CNTN5: variants seen among roughly 807,000 people sequenced by gnomAD.
CNTN5 encodes the protein contactin 5.
A neutral mutation model predicts 129.1 loss-of-function variants in CNTN5; 77 were observed. The observed-to-expected ratio is 0.60, with a 90% confidence interval of 0.50 to 0.72. CNTN5 has a LOEUF of 0.72. Among genes scored for constraint, CNTN5 ranks in the 30% least tolerant of loss-of-function variants. The pLI, the probability that CNTN5 is intolerant of heterozygous loss-of-function variation, is 0.00. For missense variants in CNTN5, 1,478 were observed against 1,328.8 expected, an observed-to-expected ratio of 1.11 and a Z score of -1.75; for synonymous variants, 509 against 465.6, an observed-to-expected ratio of 1.09 and a Z score of -1.20.
chr11:99,302,677 G>A (rs184181385), intron 1 of CNTN5, among the ~76,000 whole-genome samples: 1 of 151,706 alleles, frequency 6.6e-6, no homozygotes, highest in African/African-American at 2.4e-5. Flanking sequence ...TTAGTTTGTG[G>A]TAACTTTGCA....
intron 1 of CNTN5, among the ~76,000 whole-genome samples, chr11:99,223,168 A>G (rs1415990191): frequency 6.6e-6 from 1 of 152,106 alleles, no homozygotes; most frequent in South Asian, 2.1e-4. Context: ...ATCCTACCCT[A>G]TATTATCCTA....
intron 6 of CNTN5, among the ~76,000 whole-genome samples, chr11:99,910,157 C>A (rs1309458504): frequency 6.6e-6 from 1 of 151,938 alleles, no homozygotes; most frequent in African/African-American, 2.4e-5. Flanking sequence ...ATTCTTGTTA[C>A]CTAATTTTAG....
chr11:99,837,163 C>T (rs1000667385), intron 4 of CNTN5, among the ~76,000 whole-genome samples: 2 of 152,126 alleles, frequency 1.3e-5, no homozygotes, highest in African/African-American at 2.4e-5. Flanking sequence ...CCTCTGTTCA[C>T]GATGGAGTTG....
chr11:100,191,016 T>C (rs1948468368), intron 13 of CNTN5, 110 bp from the exon 14 acceptor site: 8 of 625,814 alleles, frequency 1.3e-5, no homozygotes, highest in Non-Finnish European at 2.1e-5. Flanking sequence ...AGTGATCCTT[T>C]ATCTTACTTA....
In CNTN5 at chr11:99,916,036, G is replaced by A. The variant is rs182497678; in HGVS notation, c.578-18G>A. The A allele has an allele frequency of 1.5e-4, 246 of 1,591,494 alleles. No homozygotes were observed. The highest frequency in any genetic ancestry group is 1.8e-4 in the Non-Finnish European group (214 of 1,162,702). ...ATTCTTTTCTGCCTTGGATCTAAAT[G>A]TTTTATTATGTTGACAGATCTGGGA... On this transcript the variant is annotated intron_variant, in intron 6 of 24. Transcript: ENST00000524871.
chr11:99,165,899 C>T (rs934597353), intron 1 of CNTN5, among the ~76,000 whole-genome samples: 2 of 152,278 alleles, frequency 1.3e-5, no homozygotes, highest in African/African-American at 2.4e-5. Context: ...TTAGACCCGT[C>T]ATCTGAGGTG....
intron 2 of CNTN5, among the ~76,000 whole-genome samples, chr11:99,482,801 C>T (rs1465589841): frequency 6.6e-6 from 1 of 151,146 alleles, no homozygotes; most frequent in Non-Finnish European, 1.5e-5. Flanking sequence ...CGGAACTTCA[C>T]TAAAATTAAA....
intron 8 of CNTN5, among the ~76,000 whole-genome samples, chr11:99,996,806 G>C (rs1939478876): frequency 6.6e-6 from 1 of 152,096 alleles, no homozygotes; most frequent in Non-Finnish European, 1.5e-5. Flanking sequence ...GAGAGAGAGA[G>C]GGAGCATGGA....
intron 1 of CNTN5, among the ~76,000 whole-genome samples, chr11:99,114,043 T>A (rs1857924083): frequency 6.6e-6 from 1 of 152,150 alleles, no homozygotes; most frequent in Admixed American, 6.6e-5. Flanking sequence ...TTAGATTTCA[T>A]AGTCCTTGTC....
intron 19 of CNTN5, 86 bp downstream of exon 19, chr11:100,297,781 C>A: frequency 9.8e-7 from 1 of 1,019,428 alleles, no homozygotes. Flanking sequence ...TTAAGCAGTC[C>A]ACTTGATTCA....
intron 8 of CNTN5, among the ~76,000 whole-genome samples, chr11:99,971,947 A>AG (rs1951269857): frequency 6.6e-6 from 1 of 150,406 alleles, no homozygotes; most frequent in Non-Finnish European, 1.5e-5. Context: ...ACAATGCTTA[A>AG]GAAAAAAAAA....
intron 3 of CNTN5, among the ~76,000 whole-genome samples, chr11:99,598,497 TC>T (rs1333043459): frequency 6.7e-6 from 1 of 149,890 alleles, no homozygotes; most frequent in African/African-American, 2.5e-5. Context: ...TTCCTTCCTT[TC>T]TTTGTCTCTT....
At chr11:99,155,725 C>T (rs1860303702) in intron 1 of CNTN5, among the ~76,000 whole-genome samples, 1 of 151,094 alleles carries the variant, frequency 6.6e-6, no homozygotes, top group African/African-American at 2.4e-5. Flanking sequence ...ACTTGCCCTA[C>T]AAAGTCACAA....
intron 1 of CNTN5, among the ~76,000 whole-genome samples, chr11:99,088,335 G>T (rs1866086473): frequency 6.6e-6 from 1 of 152,100 alleles, no homozygotes; most frequent in Non-Finnish European, 1.5e-5. Flanking sequence ...ATGCTTATAT[G>T]ATTTTGGAGG....
intron 3 of CNTN5, among the ~76,000 whole-genome samples, chr11:99,741,370 A>C (rs7108729): frequency 3.3e-5 from 5 of 152,118 alleles, no homozygotes; most frequent in Non-Finnish European, 7.4e-5. Context: ...TCTGAGATTC[A>C]GTATGTTACT....
chr11:99,240,484 A>G (rs905273625), intron 1 of CNTN5, among the ~76,000 whole-genome samples: 4 of 152,192 alleles, frequency 2.6e-5, no homozygotes, highest in African/African-American at 4.8e-5. Context: ...ACATATGGAA[A>G]GCTTTCAGGG....
intron 8 of CNTN5, among the ~76,000 whole-genome samples, chr11:99,991,593 T>C (rs1298611508): frequency 2.0e-5 from 3 of 152,214 alleles, no homozygotes; most frequent in Non-Finnish European, 4.4e-5. Flanking sequence ...GGCAAGATGC[T>C]AAATCCCAGA....
chr11:100,276,527 CAAAAAAAAAAAAA>C (rs56774234), intron 18 of CNTN5, among the ~76,000 whole-genome samples: 2,239 of 70,202 alleles, frequency 0.032, 86 homozygotes, highest in African/African-American at 0.11. Flanking sequence ...GAGACTCTCT[CAAAAAAAAAAAAA>C]AAAAAAAAAA....
At chr11:99,860,712 G>A (rs1288026454) in intron 6 of CNTN5, among the ~76,000 whole-genome samples, 2 of 152,078 alleles carry the variant, frequency 1.3e-5, no homozygotes, top group Admixed American at 1.3e-4. Flanking sequence ...TTATAGTGTA[G>A]TTTGAAGTCA....
Sources: allele counts gnomAD v4.1 joint callset (sites outside exome capture counted in the v4.1 genomes callset), GRCh38; gene constraint gnomAD v4.1.1; transcripts MANE v1.5; gene names NCBI Gene and HGNC (gene_info 2026-07-23, HGNC 2026-07-21).